Variants in ODAD4 observed in about 807,000 individuals in gnomAD.
The protein encoded by ODAD4 is outer dynein arm-docking complex subunit 4.
In ODAD4, 49 loss-of-function variants were observed where a neutral mutation model predicts 51.8. That is an observed-to-expected ratio of 0.95 (90% CI 0.75 to 1.20). ODAD4 has a LOEUF of 1.20. Among genes scored for constraint, ODAD4 ranks in the 50% most tolerant of loss-of-function variants. ODAD4 has a pLI of 0.00. For missense variants in ODAD4, 590 were observed against 586.5 expected (o/e 1.01, Z -0.06); for synonymous variants, 235 against 221.3 (o/e 1.06, Z -0.55).
rs1033736637 is a variant in ODAD4 at position 41,948,696 on chromosome 17, A to C, written c.1146-457A>C. ...TGCTCTGTCACCCAGGCTGGAGTGC[A>C]GTGGCATAATCTTGGCTCACTGCAA... On this transcript the variant is annotated intron_variant, in intron 8 of 11. Transcript: ENST00000377540. 3.4e-4 allele frequency among the ~76,000 whole-genome samples: 51 copies of C among 152,098 alleles called. 2 individuals are homozygous for C. The South Asian group carries it at 0.011, about 32-fold the overall frequency.
intron 8 of ODAD4, among the ~76,000 whole-genome samples, chr17:41,947,491 AT>A (rs2050604461): frequency 6.7e-6 from 1 of 148,728 alleles, no homozygotes; most frequent in Non-Finnish European, 1.5e-5. Context: ...TCTCAAAAAA[AT>A]AAATAAATAA....
At chr17:41,949,661 T>G (rs2050628800) in intron 9 of ODAD4, among the ~76,000 whole-genome samples, 1 of 151,916 alleles carries the variant, frequency 6.6e-6, no homozygotes, top group African/African-American at 2.4e-5. Flanking sequence ...CCTTGGTACT[T>G]TTTTTTTGTT....
At chr17:41,952,968 C>G (rs1289176272) in intron 9 of ODAD4, among the ~76,000 whole-genome samples, 1 of 151,966 alleles carries the variant, frequency 6.6e-6, no homozygotes, top group African/African-American at 2.4e-5. Context: ...AACTCCTGGG[C>G]TCAAGCAGTG....
chr17:41,944,428 ACACACACACACACACAC>A (rs782278658), intron 7 of ODAD4, among the ~76,000 whole-genome samples: 4,038 of 13,894 alleles, frequency 0.29, 169 homozygotes, highest in South Asian at 0.53. Context: ...ACACACACAC[ACACACACACACACACAC>A]CCCCCCGCAT....
chr17:41,951,712 C>T (rs1482490988), intron 9 of ODAD4, among the ~76,000 whole-genome samples: 2 of 150,998 alleles, frequency 1.3e-5, no homozygotes, highest in East Asian at 2.0e-4. Flanking sequence ...GGTGAAACCT[C>T]GTCTCTACTA....
chr17:41,964,482 G>C (rs1204907998), intron 11 of ODAD4, among the ~76,000 whole-genome samples: 1 of 152,240 alleles, frequency 6.6e-6, no homozygotes, highest in Non-Finnish European at 1.5e-5. Context: ...GCACAGGACG[G>C]AGCTGGGCTC....
chr17:41,935,801 T>C, intron 3 of ODAD4, 52 bp downstream of exon 3: 1 of 1,603,170 alleles, frequency 6.2e-7, no homozygotes, highest in Non-Finnish European at 8.5e-7. Context: ...TTGGAATCCT[T>C]AGGTTTAGAG....
rs1555642542 is a variant in ODAD4, at chr17:41,965,439, G to A, written c.1975G>A (p.Glu659Lys). The change falls in exon 12 of 12, where the codon GAA becomes AAA. Residue 659 changes from glutamate (E) to lysine (K), a missense_variant. This residue lies in a region of ODAD4 where 226 missense variants were observed against 162.7 expected (regional missense o/e 1.39). Transcript: ENST00000377540. Reference protein sequence around the residue: ...LGKTQFGEIGETKKTGNEMEK... With the variant: ...LGKTQFGEIGKTKKTGNEMEK... ...AAAAACACAATTTGGAGAAATAGGA[G>A]AAACGAAAAAAACAGGAAATGAGAT... 1 of 768,322 alleles carries A rather than the reference G, an allele frequency of 1.3e-6. No individual in the cohort carries two copies. 47.6% of individuals were successfully genotyped at this position (768,322 alleles called of 1,614,324 possible).
chr17:41,948,819 T>C (rs1434786895), intron 8 of ODAD4, among the ~76,000 whole-genome samples: 5 of 152,100 alleles, frequency 3.3e-5, no homozygotes, highest in African/African-American at 1.2e-4. Context: ...TTTGTATTTT[T>C]AGTAGACAGA....
At chr17:41,958,955 A>G (rs2050769175) in intron 10 of ODAD4, among the ~76,000 whole-genome samples, 1 of 151,500 alleles carries the variant, frequency 6.6e-6, no homozygotes, top group Admixed American at 6.6e-5. Context: ...TGGAGGTTGC[A>G]GTGAGCCAAG....
chr17:41,937,574 G>C (rs1555638029), intron 5 of ODAD4, among the ~76,000 whole-genome samples: 1 of 152,164 alleles, frequency 6.6e-6, no homozygotes, highest in East Asian at 1.9e-4. Context: ...GGGTTAAAGC[G>C]ATTCTCCTGC....
At chr17:41,936,696 AG>A (rs1359982387) in intron 4 of ODAD4, 65 bp from the exon 5 acceptor site, 1 of 1,589,096 alleles carries the variant, frequency 6.3e-7, no homozygotes, top group Non-Finnish European at 8.6e-7. Flanking sequence ...CACAGACCCT[AG>A]GGCCATGGCT....
chr17:41,953,672 G>T (rs568584855), intron 9 of ODAD4, among the ~76,000 whole-genome samples: 556 of 148,132 alleles, frequency 3.8e-3, no homozygotes, highest in African/African-American at 6.7e-3. Flanking sequence ...TATATATAGA[G>T]AGAGAGAGAG....
At chr17:41,956,256 C>T (rs1030039784) in intron 10 of ODAD4, among the ~76,000 whole-genome samples, 1 of 151,786 alleles carries the variant, frequency 6.6e-6, no homozygotes, top group Non-Finnish European at 1.5e-5. Flanking sequence ...ACCATGTTGG[C>T]CAGGCTGGTT....
At chr17:41,951,577 C>T (rs548908958) in intron 9 of ODAD4, among the ~76,000 whole-genome samples, 1 of 151,092 alleles carries the variant, frequency 6.6e-6, no homozygotes, top group Admixed American at 6.6e-5. Context: ...CTTTAAATTA[C>T]ATACTCAGTT....
rs1309345040 is a variant in ODAD4, at chr17:41,930,649, C to A, written c.-75C>A. On this transcript the variant is annotated 5_prime_UTR_variant, in exon 1 of 12. Coordinates refer to ENST00000377540, the MANE Select transcript of ODAD4 (RefSeq NM_031421.5). ...ATCTCATGGTTGCTAAGAAACGGAG[C>A]TTCCACAAACCAGATAGAGGTTCTC... 5.1e-6 allele frequency: 5 copies of A among 971,214 alleles called. No homozygotes were observed. Among genetic ancestry groups the A allele is most frequent in the Admixed American group, 4.3e-5 (2 of 46,064 alleles). 60.2% of individuals were successfully genotyped at this position (971,214 alleles called of 1,614,324 possible). A position where few individuals can be genotyped will look rare whatever the true frequency, so the allele number is the denominator to read the frequency against.
chr17:41,944,444 A>ACACACACCCCCC (rs1191101800), intron 7 of ODAD4, among the ~76,000 whole-genome samples: 1 of 19,544 alleles, frequency 5.1e-5, no homozygotes, highest in Non-Finnish European at 1.2e-4. Flanking sequence ...ACACACACAC[A>ACACACACCCCCC]CCCCCCCGCA....
In ODAD4 at chr17:41,939,060, G is replaced by A. The variant is rs781801041; in HGVS notation, c.946G>A (p.Asp316Asn). 3 of 1,613,910 alleles carry A rather than the reference G, an allele frequency of 1.9e-6. No homozygotes were observed. The highest frequency in any genetic ancestry group is 2.2e-5 in the South Asian group (2 of 91,064). ...EWNKEEVPNK[D>N]ELVGNLYSCI... Reference sequence around the variant, plus strand: ...GAACAAGGAAGAGGTACCCAACAAGGATGAACTGGTTGGAAACTTGTATAG... The same window carrying A: ...GAACAAGGAAGAGGTACCCAACAAGAATGAACTGGTTGGAAACTTGTATAG... Residue 316 changes from aspartate to asparagine, a missense_variant, in exon 7 of 12, where the codon GAT (aspartate) becomes AAT (asparagine). Physicochemically the swap from Asp to Asn is conservative, Grantham distance 23. Coordinates refer to ENST00000377540, the MANE Select transcript of ODAD4 (RefSeq NM_031421.5).
chr17:41,945,521 A>T (rs79175247), intron 8 of ODAD4, among the ~76,000 whole-genome samples: 7,850 of 151,982 alleles, frequency 0.052, 226 homozygotes, highest in East Asian at 0.11. Flanking sequence ...TATCCAAGTT[A>T]TTGCCGGTGA....
Sources: allele counts gnomAD v4.1 joint callset (sites outside exome capture counted in the v4.1 genomes callset), GRCh38; gene constraint gnomAD v4.1.1; regional missense constraint gnomAD v4.1.1; transcripts MANE v1.5; gene names NCBI Gene and HGNC (gene_info 2026-07-23, HGNC 2026-07-21).